Variants in MTMR7 observed in about 807,000 individuals in gnomAD.
MTMR7 encodes myotubularin related protein 7.
A neutral mutation model predicts 81.2 loss-of-function variants in MTMR7; 76 were observed. The observed-to-expected ratio is 0.94, with a 90% CI of 0.78 to 1.13. MTMR7 has a LOEUF of 1.13. MTMR7 is among the 50% of genes most tolerant of loss of function. The probability of loss-of-function intolerance (pLI) is 0.00; values close to 1 mark genes in which losing one functional copy is unlikely to be tolerated. For synonymous variants in MTMR7, 372 were observed against 289.8 expected (o/e 1.28, Z -2.88); for missense variants, 1,044 against 820.0 (o/e 1.27, Z -3.34).
chr8:17,356,170 T>C (rs1460119843), intron 4 of MTMR7, among the ~76,000 whole-genome samples: 1 of 152,198 alleles, frequency 6.6e-6, no homozygotes, highest in Non-Finnish European at 1.5e-5. Flanking sequence ...TTCACCATAT[T>C]GTGTCTTGCT....
At chr8:17,323,644 G>A (rs779215483) in intron 7 of MTMR7, among the ~76,000 whole-genome samples, 2 of 152,062 alleles carry the variant, frequency 1.3e-5, no homozygotes, top group Non-Finnish European at 2.9e-5. Context: ...AGCAGAGGCC[G>A]CAGGGGTGGG....
chr8:17,384,544 C>T (rs1306394445), intron 1 of MTMR7, among the ~76,000 whole-genome samples: 4 of 152,026 alleles, frequency 2.6e-5, no homozygotes, highest in Admixed American at 1.3e-4. Context: ...ATAGAGTATG[C>T]AAAAAATATA....
At chr8:17,304,617 C>G in intron 11 of MTMR7, 98 bp from the exon 12 acceptor site, 3 of 1,297,446 alleles carry the variant, frequency 2.3e-6, no homozygotes, top group South Asian at 1.4e-5. Flanking sequence ...TAATTGTTAC[C>G]TGAAAACCAC....
chr8:17,325,371 C>T (rs1211654842), intron 7 of MTMR7, among the ~76,000 whole-genome samples: 2 of 152,204 alleles, frequency 1.3e-5, no homozygotes, highest in Non-Finnish European at 2.9e-5. Context: ...GGCCTCAAAA[C>T]CTTTGCGTGG....
At chr8:17,346,688 C>G (rs1431852230) in intron 5 of MTMR7, among the ~76,000 whole-genome samples, 1 of 151,732 alleles carries the variant, frequency 6.6e-6, no homozygotes, top group African/African-American at 2.4e-5. Flanking sequence ...ACACTGTGCT[C>G]ACTTTTTAAA....
At chr8:17,356,584 G>T (rs1484646921) in intron 4 of MTMR7, among the ~76,000 whole-genome samples, 1 of 151,862 alleles carries the variant, frequency 6.6e-6, no homozygotes. Flanking sequence ...TGTGGTGGTG[G>T]GTGTCTGTAA....
chr8:17,385,638 G>A (rs1239636060), intron 1 of MTMR7, among the ~76,000 whole-genome samples: 1 of 152,160 alleles, frequency 6.6e-6, no homozygotes, highest in African/African-American at 2.4e-5. Context: ...TTAGCAGCAT[G>A]AGAACACACT....
chr8:17,395,491 C>T (rs1821220392), intron 1 of MTMR7, among the ~76,000 whole-genome samples: 1 of 152,244 alleles, frequency 6.6e-6, no homozygotes, highest in East Asian at 1.9e-4. Context: ...TGAGAAACTA[C>T]CAAAGGGTTT....
chr8:17,300,277 T>G (rs13257763), intron 13 of MTMR7, 53 bp from the exon 14 acceptor site: 252,820 of 1,533,204 alleles, frequency 0.16, 23,216 homozygotes, highest in Non-Finnish European at 0.19. Context: ...CTTATCTTTT[T>G]CTATATATGC....
rs543468558 is a variant in MTMR7, at chr8:17,297,452, T to C, written c.*2410A>G. On this transcript the variant is annotated 3_prime_UTR_variant, in exon 14 of 14. Transcript: ENST00000180173. ...GAGAAGAAAGTAAACTAATGTGCTC[T>C]TAAAGAATAAAAATTTATTCTATGG... 1.4e-4 allele frequency: 21 copies of C among 149,352 alleles called. 1 individual carries two copies. In the South Asian group the frequency reaches 4.4e-3, roughly 31 times the overall value. The allele number at this position is 149,352 out of a possible 1,614,324, so 9.3% of individuals were successfully genotyped here.
rs75572581 is a variant in MTMR7, at chr8:17,407,829, G to C, written c.24+5440C>G. On this transcript the variant is annotated intron_variant, in intron 1 of 13. Transcript: ENST00000180173. ...TTTTATAACCAGAAAATTATTATTT[G>C]CTAAAGGAAGATAAAAGAAGAGATA... Among the ~76,000 whole-genome samples, 580 of 152,282 alleles carry C rather than the reference G, an allele frequency of 3.8e-3. 2 individuals are homozygous for C. Among genetic ancestry groups the C allele is most frequent in the African/African-American group, 0.013 (555 of 41,550 alleles).
intron 12 of MTMR7, among the ~76,000 whole-genome samples, chr8:17,303,798 C>T (rs1375735180): frequency 6.6e-6 from 1 of 152,080 alleles, no homozygotes; most frequent in Non-Finnish European, 1.5e-5. Context: ...TCAGTAGAGA[C>T]TGGGTCTCCC....
intron 1 of MTMR7, among the ~76,000 whole-genome samples, chr8:17,409,231 A>C (rs972548056): frequency 2.6e-5 from 4 of 152,074 alleles, no homozygotes; most frequent in Non-Finnish European, 5.9e-5. Flanking sequence ...GGCCAAGGCA[A>C]GTGGATCACC....
At chr8:17,335,250 T>G (rs546772898) in intron 6 of MTMR7, among the ~76,000 whole-genome samples, 20 of 152,122 alleles carry the variant, frequency 1.3e-4, no homozygotes, top group African/African-American at 4.8e-4. Flanking sequence ...GTCTCATTGA[T>G]GGCCACATCC....
At chr8:17,325,729 C>T (rs1042185738) in intron 7 of MTMR7, among the ~76,000 whole-genome samples, 9 of 152,080 alleles carry the variant, frequency 5.9e-5, no homozygotes, top group Non-Finnish European at 1.2e-4. Flanking sequence ...GATGAACGTG[C>T]GCTGATTGCA....
At chr8:17,304,854 G>T (rs555647446) in intron 11 of MTMR7, among the ~76,000 whole-genome samples, 2 of 151,594 alleles carry the variant, frequency 1.3e-5, no homozygotes, top group South Asian at 2.1e-4. Context: ...AATGTTCCAC[G>T]TTTTCTCTCA....
intron 4 of MTMR7, among the ~76,000 whole-genome samples, chr8:17,351,037 A>C (rs1359724689): frequency 1.3e-5 from 2 of 152,218 alleles, no homozygotes; most frequent in Non-Finnish European, 2.9e-5. Flanking sequence ...CTGAACCTCC[A>C]TGAAGTCAGC....
At chr8:17,385,979 A>C (rs1267197263) in intron 1 of MTMR7, among the ~76,000 whole-genome samples, 2 of 152,214 alleles carry the variant, frequency 1.3e-5, no homozygotes, top group East Asian at 3.9e-4. Flanking sequence ...ACCTTGTGAA[A>C]ATTAGACAGC....
At chr8:17,392,095 T>C (rs1406439839) in intron 1 of MTMR7, among the ~76,000 whole-genome samples, 1 of 152,134 alleles carries the variant, frequency 6.6e-6, no homozygotes, top group Non-Finnish European at 1.5e-5. Context: ...TCACGGAATC[T>C]TGGGTGTCTG....
Sources: allele counts gnomAD v4.1 joint callset (sites outside exome capture counted in the v4.1 genomes callset), GRCh38; gene constraint gnomAD v4.1.1; transcripts MANE v1.5; gene names NCBI Gene and HGNC (gene_info 2026-07-23, HGNC 2026-07-21).